TRRAP: variants seen among roughly 807,000 people sequenced by gnomAD.
The protein encoded by TRRAP is transformation/transcription domain-associated protein.
TRRAP carries 41 observed loss-of-function variants against 438.8 expected under a neutral mutation model. The observed-to-expected ratio is 0.09, with a 90% CI of 0.07 to 0.12. The LOEUF (loss-of-function observed/expected upper bound fraction) is 0.12, where lower values mean the gene tolerates loss of function less well. TRRAP is among the 10% of genes least tolerant of loss of function. The pLI is 1.00. For missense variants in TRRAP, 3,122 were observed against 5,055.1 expected (o/e 0.62, Z 11.60); for synonymous variants, 1,994 against 1,962.9 (o/e 1.02, Z -0.42).
At chr7:98,879,837 C>T (rs1485719850) in intron 1 of TRRAP, among the ~76,000 whole-genome samples, 2 of 152,172 alleles carry the variant, frequency 1.3e-5, no homozygotes, top group Admixed American at 6.5e-5. Flanking sequence ...TCTAGTGTCA[C>T]CTGTGTCAGC....
chr7:98,955,352 C>T, intron 41 of TRRAP, 48 bp downstream of exon 41: 1 of 1,535,442 alleles, frequency 6.5e-7, no homozygotes, highest in Non-Finnish European at 8.8e-7. Context: ...TTCAGGCATT[C>T]ACTTTGAACC....
intron 61 of TRRAP, 119 bp downstream of exon 61, chr7:98,984,477 A>G: frequency 7.9e-7 from 1 of 1,262,502 alleles, no homozygotes; most frequent in Non-Finnish European, 1.1e-6. Flanking sequence ...CTTTCCACAA[A>G]TACAGCCTCA....
intron 37 of TRRAP, 80 bp from the exon 38 acceptor site, chr7:98,949,984 C>T (rs1445145157): frequency 6.3e-7 from 1 of 1,584,650 alleles, no homozygotes; most frequent in East Asian, 2.2e-5. Context: ...TGTCTCTGAG[C>T]TGTTTAAAGG....
chr7:98,994,440 C>A lies in TRRAP; in HGVS notation c.10048-147C>A. On this transcript the variant is annotated intron_variant, in intron 66 of 72. Coordinates refer to ENST00000456197, the MANE Select transcript of TRRAP (RefSeq NM_001375524.1). The surrounding 1 kb of genome is among the most constrained non-coding windows in gnomAD (Gnocchi z 4.8). ...CAGGCGTCCCGTTTCTTGCACACGC[C>A]GATTTCATGCCTGCTGTGTGTGGGT... 1 of 1,215,270 alleles carries A rather than the reference C, an allele frequency of 8.2e-7. No homozygotes were observed. The allele number at this position is 1,215,270 out of a possible 1,614,324, so 75.3% of individuals were successfully genotyped here. A position where few individuals can be genotyped will look rare whatever the true frequency, so the allele number is the denominator to read the frequency against.
In TRRAP at chr7:98,933,305, T is replaced by C; in HGVS notation, c.3917T>C (p.Ile1306Thr). The C allele has an allele frequency of 6.2e-7, 1 of 1,614,128 alleles. No individual in the cohort carries two copies. Among genetic ancestry groups the C allele is most frequent in the Non-Finnish European group, 8.5e-7 (1 of 1,180,024 alleles). Reference sequence around the variant, plus strand: ...CGACACCAGCCTGCCAACGCACAGATTGGCCTGATGGAGGGGAACACGTTC... The same window carrying C: ...CGACACCAGCCTGCCAACGCACAGACTGGCCTGATGGAGGGGAACACGTTC... ...LLRHQPANAQ[I>T]GLMEGNTFCT... The change falls in exon 27 of 73, where the codon ATT becomes ACT. Residue 1306 changes from isoleucine (I) to threonine (T), a missense_variant. Physicochemically the swap from Ile to Thr is moderately conservative, Grantham distance 89 (BLOSUM62 -1). Coordinates refer to ENST00000456197, the MANE Select transcript of TRRAP (RefSeq NM_001375524.1).
intron 2 of TRRAP, 160 bp from the exon 3 acceptor site, chr7:98,881,815 G>A (rs1193308292): frequency 7.3e-5 from 48 of 654,390 alleles, no homozygotes; most frequent in South Asian, 4.0e-4. Context: ...AAATGGGTGC[G>A]ACTGGTTGTA....
intron 3 of TRRAP, among the ~76,000 whole-genome samples, chr7:98,886,581 C>A (rs1795727145): frequency 6.6e-6 from 1 of 152,038 alleles, no homozygotes; most frequent in African/African-American, 2.4e-5. Flanking sequence ...ATGACTTTTG[C>A]AATCTGTGTA....
intron 4 of TRRAP, 31 bp downstream of exon 4, chr7:98,890,476 G>A (rs1554404664): frequency 1.4e-5 from 21 of 1,481,000 alleles, no homozygotes; most frequent in Non-Finnish European, 1.9e-5. Context: ...GAGAAGACAA[G>A]GGTGCTGTGG....
At chr7:98,974,224 T>C (rs1246227694) in intron 53 of TRRAP, among the ~76,000 whole-genome samples, 1 of 152,188 alleles carries the variant, frequency 6.6e-6, no homozygotes, top group Non-Finnish European at 1.5e-5. Flanking sequence ...TGTGTATTTA[T>C]GGGAGTTGAG....
At position 98,956,117 on chromosome 7, in the gene TRRAP, C is replaced by CG; in HGVS notation, c.5938-29_5938-28insG. The CG allele has an allele frequency of 6.9e-7, 1 of 1,451,116 alleles. No individual in the cohort carries two copies. The allele number at this position is 1,451,116 out of a possible 1,614,324, so 89.9% of individuals were successfully genotyped here. A position where few individuals can be genotyped will look rare whatever the true frequency, so the allele number is the denominator to read the frequency against. ...CACTGTGGGACCAAGCTCCCATGTT[C>CG]CGGCGTGATGCTGGCCCTGCGTCCG... is the stretch of plus-strand genomic sequence containing the variant. On this transcript the variant is annotated intron_variant, in intron 41 of 72. Coordinates refer to ENST00000456197, the MANE Select transcript of TRRAP (RefSeq NM_001375524.1). This position sits in a 1 kb window ranked among gnomAD's most constrained non-coding sequence, Gnocchi z 4.5.
At chr7:98,966,020 C>A in intron 49 of TRRAP, 125 bp downstream of exon 49, 1 of 1,105,532 alleles carries the variant, frequency 9.0e-7, no homozygotes, top group Non-Finnish European at 1.3e-6. Flanking sequence ...CTCACAGCAT[C>A]TTTTCTTAAT....
chr7:98,922,072 C>A, intron 21 of TRRAP, 119 bp downstream of exon 21: 1 of 1,380,964 alleles, frequency 7.2e-7, no homozygotes, highest in Non-Finnish European at 9.9e-7. Context: ...CCAGTTGTAT[C>A]AGGTGATCGG....
At chr7:99,003,718 A>G (rs1193906393) in intron 67 of TRRAP, among the ~76,000 whole-genome samples, 2 of 152,168 alleles carry the variant, frequency 1.3e-5, no homozygotes, top group Non-Finnish European at 2.9e-5. Flanking sequence ...TTGTTCTGTC[A>G]GCCTCTTGGG....
intron 6 of TRRAP, among the ~76,000 whole-genome samples, chr7:98,894,509 ATAACT>A (rs1166708861): frequency 2.0e-5 from 3 of 152,120 alleles, no homozygotes; most frequent in Non-Finnish European, 4.4e-5. Flanking sequence ...ATTGAATTAA[ATAACT>A]TAAAATAGAA....
chr7:98,946,372 C>G (rs1584345079), intron 33 of TRRAP, among the ~76,000 whole-genome samples: 2 of 152,098 alleles, frequency 1.3e-5, no homozygotes, highest in Non-Finnish European at 2.9e-5. Context: ...TACAGCTTGT[C>G]CCACTCACCC....
chr7:98,951,383 G>A lies in TRRAP; in HGVS notation c.5463+379G>A, dbSNP rs550552971. On this transcript the variant is annotated intron_variant, in intron 39 of 72. Coordinates refer to ENST00000456197, the MANE Select transcript of TRRAP (RefSeq NM_001375524.1). ...TTACAAAAGACTCTCCTAACAGCCA[G>A]TGAGCATATGAGACTGCCTGCAGTA... is the stretch of plus-strand genomic sequence containing the variant. Among the ~76,000 whole-genome samples, 3 of 152,316 alleles carry A rather than the reference G, an allele frequency of 2.0e-5. No homozygotes were observed. The South Asian group carries it at 6.2e-4, about 32-fold the overall frequency.
In TRRAP at chr7:98,897,812, A is replaced by G. The variant is rs1554406019; in HGVS notation, c.579A>G (p.Ile193Met). ...CTCCCCCAGAAATGGTTGGTATGAT[A>G]ACAACGATTGCTGTGAAAGTCAACC... ...TVPPPEMVGM[I>M]TTIAVKVNPE... Residue 193 changes from isoleucine to methionine, a missense_variant, in exon 8 of 73, where the codon ATA (isoleucine) becomes ATG (methionine). By Grantham distance (10) the Ile-to-Met change is conservative (BLOSUM62 1). Around this residue, in one of 24 missense-constraint regions of TRRAP, gnomAD observed 343 missense variants for 564.0 expected, o/e 0.61. Coordinates refer to ENST00000456197, the MANE Select transcript of TRRAP (RefSeq NM_001375524.1). 1 of 1,613,994 alleles carries G rather than the reference A, an allele frequency of 6.2e-7. No homozygotes were observed.
At chr7:98,944,541 T>C (rs1267493759) in intron 31 of TRRAP, among the ~76,000 whole-genome samples, 3 of 152,038 alleles carry the variant, frequency 2.0e-5, no homozygotes, top group African/African-American at 7.2e-5. Context: ...GCCGCTTGTC[T>C]GAAACTCAGA....
rs973490377 is a variant in TRRAP at position 99,008,305 on chromosome 7, C to T, written c.10754-72C>T. On this transcript the variant is annotated intron_variant, in intron 69 of 72. Coordinates refer to ENST00000456197, the MANE Select transcript of TRRAP (RefSeq NM_001375524.1). ...CGGGTCAGCTCTGCTCCCAGTGGCACTCTGACGGTGGAGCTGAGCACTGGC... is the reference window on the plus strand; with the variant it reads ...CGGGTCAGCTCTGCTCCCAGTGGCATTCTGACGGTGGAGCTGAGCACTGGC... The T allele has an allele frequency of 2.0e-5, 30 of 1,506,176 alleles. No individual in the cohort carries two copies. In the Admixed American group the frequency reaches 4.4e-4, roughly 22 times the overall value. The allele number at this position is 1,506,176 out of a possible 1,614,324, so 93.3% of individuals were successfully genotyped here.
Sources: allele counts gnomAD v4.1 joint callset (sites outside exome capture counted in the v4.1 genomes callset), GRCh38; gene constraint gnomAD v4.1.1; regional missense constraint gnomAD v4.1.1; non-coding constraint Gnocchi (gnomAD v3.1); transcripts MANE v1.5; gene names NCBI Gene and HGNC (gene_info 2026-07-23, HGNC 2026-07-21).